Variants in AHNAK observed in about 807,000 individuals in gnomAD.
AHNAK encodes AHNAK nucleoprotein.
AHNAK carries 23 observed loss-of-function variants against 37.8 expected under a neutral mutation model. That is an observed-to-expected ratio of 0.61 (90% CI 0.44 to 0.86). The LOEUF (loss-of-function observed/expected upper bound fraction) is 0.86. AHNAK is among the 40% of genes least tolerant of loss of function. The pLI is 0.00. For synonymous variants in AHNAK, 2,481 were observed against 2,636.3 expected, an observed-to-expected ratio of 0.94 and a Z score of 1.80; for missense variants, 7,411 against 7,319.4, an observed-to-expected ratio of 1.01 and a Z score of -0.46.
At chr11:62,495,737 CAAAA>C (rs1156362722) in intron 4 of AHNAK, among the ~76,000 whole-genome samples, 4 of 67,550 alleles carry the variant, frequency 5.9e-5, no homozygotes, top group Non-Finnish European at 3.0e-5. Context: ...GACTCCGTCT[CAAAA>C]AAAAAAAAAA....
Position 62,520,205 on chromosome 11 carries a change from C to T in AHNAK, c.14212G>A (p.Asp4738Asn), listed in dbSNP as rs529008518. The T allele has an allele frequency of 1.7e-5, 28 of 1,613,426 alleles. 1 individual carries two copies. The Admixed American group carries it at 2.7e-4, about 15-fold the overall frequency. Residue 4738 changes from aspartate (D) to asparagine (N), a missense_variant, in exon 5 of 5, where the codon GAT becomes AAT. Transcript: ENST00000378024. ...ACTTTAGGAAGGGTAACATCCACAT[C>T]GCCCTTCACTTTGGGTCCTTTCAGG... ...LNLKGPKVKGDVDVTLPKVEG... is the reference protein window; with the variant it reads ...LNLKGPKVKGNVDVTLPKVEG...
Position 62,522,509 on chromosome 11 carries a change from C to T in AHNAK, c.11908G>A (p.Val3970Ile), listed in dbSNP as rs140560498. 67 of 1,610,680 alleles carry T rather than the reference C, an allele frequency of 4.2e-5. No individual in the cohort carries two copies. Among genetic ancestry groups the T allele is most frequent in the Middle Eastern group, 1.7e-4 (1 of 6,038 alleles). Residue 3970 changes from valine to isoleucine, a missense_variant, in exon 5 of 5, where the codon GTT (valine) becomes ATT (isoleucine). Coordinates refer to ENST00000378024, the MANE Select transcript of AHNAK (RefSeq NM_001620.3). ...DLDVSGPKVD[V>I]DVPDVNIEGP... ...TCAATATTCACATCTGGAACATCAA[C>T]GTCCACCTTGGGTCCTGAGACGTCA... is the stretch of plus-strand genomic sequence containing the variant.
At chr11:62,475,754 G>A (rs980578632) in intron 5 of AHNAK, among the ~76,000 whole-genome samples, 1 of 151,696 alleles carries the variant, frequency 6.6e-6, no homozygotes. Context: ...ACAGGCGCCC[G>A]CCATCACACC....
At chr11:62,436,353 CA>C (rs961565206) in intron 5 of AHNAK, among the ~76,000 whole-genome samples, 4 of 152,006 alleles carry the variant, frequency 2.6e-5, no homozygotes, top group Non-Finnish European at 5.9e-5. Flanking sequence ...GATGCTGTAC[CA>C]AGATTCACTC....
intron 4 of AHNAK, among the ~76,000 whole-genome samples, chr11:62,500,425 G>A (rs1939691214): frequency 6.6e-6 from 1 of 152,118 alleles, no homozygotes; most frequent in Non-Finnish European, 1.5e-5. Context: ...AGAAGGCTGG[G>A]GTAATCTGAT....
chr11:62,495,063 G>C (rs999767256), intron 4 of AHNAK, among the ~76,000 whole-genome samples: 2 of 151,658 alleles, frequency 1.3e-5, no homozygotes, highest in African/African-American at 4.8e-5. Context: ...CTACTCAGGA[G>C]GCTGAGGTGG....
At chr11:62,478,902 G>GTC (rs1313246691) in intron 5 of AHNAK, among the ~76,000 whole-genome samples, 7 of 151,898 alleles carry the variant, frequency 4.6e-5, no homozygotes, top group African/African-American at 1.7e-4. Flanking sequence ...CTAAAACAGA[G>GTC]TCTTGCTCTG....
intron 4 of AHNAK, 60 bp downstream of exon 4, chr11:62,534,943 G>A (rs1306073889): frequency 1.8e-5 from 28 of 1,561,174 alleles, no homozygotes; most frequent in Middle Eastern, 2.3e-4. Context: ...CAGGAGTGGG[G>A]TCAGCAGGCC....
intron 5 of AHNAK, among the ~76,000 whole-genome samples, chr11:62,454,464 C>A (rs1481644883): frequency 6.6e-6 from 1 of 151,600 alleles, no homozygotes; most frequent in Non-Finnish European, 1.5e-5. Context: ...TCCCTCCCAT[C>A]TTCAAGAAGT....
intron 4 of AHNAK, among the ~76,000 whole-genome samples, chr11:62,502,048 TCTC>T (rs990550234): frequency 9.9e-5 from 15 of 152,124 alleles, no homozygotes; most frequent in Non-Finnish European, 2.1e-4. Flanking sequence ...TGGGGTGTCT[TCTC>T]CTCTTCCACA....
At chr11:62,515,814 G>A, downstream of AHNAK, 5 of 945,198 alleles carry the variant, frequency 5.3e-6, no homozygotes, top group Non-Finnish European at 6.4e-6. Flanking sequence ...AATGCCACCA[G>A]ATGGATCCGG....
chr11:62,478,619 A>G (rs1219376200), intron 5 of AHNAK, among the ~76,000 whole-genome samples: 1 of 151,792 alleles, frequency 6.6e-6, no homozygotes, highest in Non-Finnish European at 1.5e-5. Flanking sequence ...ATGGTGGCAC[A>G]CGCCTGTGGT....
chr11:62,496,408 G>A (rs944977776), intron 4 of AHNAK, among the ~76,000 whole-genome samples: 7 of 152,064 alleles, frequency 4.6e-5, no homozygotes, highest in African/African-American at 1.7e-4. Context: ...TCATCAAGCA[G>A]GGAGAAGGAA....
chr11:62,457,257 C>T (rs1475944567), intron 5 of AHNAK, among the ~76,000 whole-genome samples: 1 of 151,954 alleles, frequency 6.6e-6, no homozygotes, highest in African/African-American at 2.4e-5. Flanking sequence ...ACTATCCTGG[C>T]TAACATGGTA....
rs1172126377 is a variant in AHNAK, at chr11:62,480,803, TAAAAA to T, written c.442+10924_442+10928del. Among the ~76,000 whole-genome samples, 27 of 44,494 alleles carry T rather than the reference TAAAAA, an allele frequency of 6.1e-4. No individual in the cohort carries two copies. The Admixed American group carries it at 6.3e-3, about 10-fold the overall frequency. The allele number at this position is 44,494 out of a possible 152,430, so 29.2% of individuals were successfully genotyped here. On this transcript the variant is annotated intron_variant, in intron 5 of 5. Coordinates refer to the AHNAK transcript ENST00000257247. Reference sequence around the variant, plus strand: ...CTATGCAAGGAATTCTGCGTGCAGTTAAAAAAAAAAAAAAAAAAAAAAAACCTGGA... The same window carrying T: ...CTATGCAAGGAATTCTGCGTGCAGTTAAAAAAAAAAAAAAAAAAACCTGGA...
At chr11:62,434,577 C>T (rs1427391494) in intron 5 of AHNAK, among the ~76,000 whole-genome samples, 1 of 152,180 alleles carries the variant, frequency 6.6e-6, no homozygotes, top group Non-Finnish European at 1.5e-5. Flanking sequence ...CCCCAGGCTT[C>T]ATCTTACACC....
At chr11:62,447,018 C>T (rs1938434194) in intron 5 of AHNAK, among the ~76,000 whole-genome samples, 1 of 152,004 alleles carries the variant, frequency 6.6e-6, no homozygotes, top group African/African-American at 2.4e-5. Context: ...GCACCCCCTC[C>T]CCTGCCAAAA....
intron 4 of AHNAK, among the ~76,000 whole-genome samples, chr11:62,534,607 T>C (rs1228932541): frequency 6.6e-6 from 1 of 152,236 alleles, no homozygotes; most frequent in East Asian, 1.9e-4. Context: ...GGCACTTTGC[T>C]GCCCAGCGTC....
chr11:62,433,996 C>A, intron 5 of AHNAK: 1 of 1,427,560 alleles, frequency 7.0e-7, no homozygotes, highest in South Asian at 1.3e-5. Context: ...AGAAGGTCCC[C>A]CCACTCCTTG....
Sources: allele counts gnomAD v4.1 joint callset (sites outside exome capture counted in the v4.1 genomes callset), GRCh38; gene constraint gnomAD v4.1.1; transcripts MANE v1.5; gene names NCBI Gene and HGNC (gene_info 2026-07-23, HGNC 2026-07-21).